Variants in GSE1 observed in about 807,000 individuals in gnomAD.
GSE1 encodes genetic suppressor element 1.
GSE1 carries 32 observed loss-of-function variants against 112.6 expected under a neutral mutation model. The observed-to-expected ratio is 0.28, with a 90% CI of 0.21 to 0.38. The LOEUF (loss-of-function observed/expected upper bound fraction) is 0.38, where lower values mean the gene tolerates loss of function less well. GSE1 is among the 10% of genes least tolerant of loss of function. The pLI, the probability that GSE1 is intolerant of heterozygous loss-of-function variation, is 1.00. For missense variants in GSE1, 2,348 were observed against 1,699.2 expected (o/e 1.38, Z -6.71); for synonymous variants, 1,115 against 735.6 (o/e 1.52, Z -8.35).
chr16:85,585,105 G>A (rs1032032155), intron 1 of GSE1, among the ~76,000 whole-genome samples: 1 of 152,212 alleles, frequency 6.6e-6, no homozygotes, highest in Non-Finnish European at 1.5e-5. Context: ...AAAAAAAAAG[G>A]CGTGATCAGC....
chr16:85,445,025 G>T (rs933812473), intron 2 of GSE1, among the ~76,000 whole-genome samples: 2 of 152,244 alleles, frequency 1.3e-5, no homozygotes, highest in African/African-American at 2.4e-5. Context: ...CAGGTTTCCC[G>T]CCGCACGCAG....
chr16:85,302,605 C>T (rs1303313168), intron 1 of GSE1, among the ~76,000 whole-genome samples: 1 of 152,194 alleles, frequency 6.6e-6, no homozygotes, highest in African/African-American at 2.4e-5. Context: ...CTCAGCATCA[C>T]CAGGGCTGCT....
chr16:85,460,131 T>G (rs529093420), intron 2 of GSE1, among the ~76,000 whole-genome samples: 1 of 152,184 alleles, frequency 6.6e-6, no homozygotes, highest in South Asian at 2.1e-4. Flanking sequence ...CCACATCCCT[T>G]GACCAGATAA....
chr16:85,633,875 C>T (rs2049761162), intron 1 of GSE1, 39 bp from the exon 2 acceptor site: 1 of 1,540,876 alleles, frequency 6.5e-7, no homozygotes, highest in Non-Finnish European at 8.9e-7. Context: ...GGCGCTCCTG[C>T]TCTCTGGGTG....
intron 1 of GSE1, among the ~76,000 whole-genome samples, chr16:85,330,004 G>C (rs912844782): frequency 5.3e-5 from 8 of 152,132 alleles, no homozygotes; most frequent in Non-Finnish European, 1.0e-4. Flanking sequence ...CTGCCCCCTG[G>C]CAGATGCCCC....
In GSE1 at chr16:85,331,357, GTGTGTGTGTATATA is replaced by G. The variant is rs1358076194; in HGVS notation, c.2284-26102_2284-26089del. On this transcript the variant is annotated intron_variant, in intron 1 of 2. Transcript: ENST00000637419. ...TGTGTGTGTGTGTGTGTGTGTGTGT[GTGTGTGTGTATATA>G]TGTATATATATGTATATATATGTGT... is the stretch of plus-strand genomic sequence containing the variant. 1.6e-3 allele frequency among the ~76,000 whole-genome samples: 89 copies of G among 57,104 alleles called. 1 individual carries two copies. Among genetic ancestry groups the G allele is most frequent in the Middle Eastern group, 9.6e-3 (1 of 104 alleles). The allele number at this position is 57,104 out of a possible 152,430, so 37.5% of individuals were successfully genotyped here. A position where few individuals can be genotyped will look rare whatever the true frequency, so the allele number is the denominator to read the frequency against.
At chr16:85,641,257 A>G (rs574055929) in intron 2 of GSE1, among the ~76,000 whole-genome samples, 1 of 152,302 alleles carries the variant, frequency 6.6e-6, no homozygotes, top group Admixed American at 6.5e-5. Context: ...TCCCGGCTCC[A>G]TCCGGCTCCC....
rs1187795376 is a variant in GSE1, at chr16:85,634,142, C to G, written c.226+10C>G. On this transcript the variant is annotated intron_variant, in intron 2 of 15. Coordinates refer to ENST00000253458, the MANE Select transcript of GSE1 (RefSeq NM_014615.5). ...GCGGAGGAGCCCAGAGGTAAGGGGGCCCGCCAGGCTGCGCGTGGGGGGAGC... is the reference window on the plus strand; with the variant it reads ...GCGGAGGAGCCCAGAGGTAAGGGGGGCCGCCAGGCTGCGCGTGGGGGGAGC... 1 of 1,447,810 alleles carries G rather than the reference C, an allele frequency of 6.9e-7. No homozygotes were observed. The highest frequency in any genetic ancestry group is 9.0e-7 in the Non-Finnish European group (1 of 1,107,786). 89.7% of individuals were successfully genotyped at this position (1,447,810 alleles called of 1,614,324 possible). A position where few individuals can be genotyped will look rare whatever the true frequency, so the allele number is the denominator to read the frequency against.
At chr16:85,281,906 G>C (rs2044868644) in intron 1 of GSE1, among the ~76,000 whole-genome samples, 1 of 152,186 alleles carries the variant, frequency 6.6e-6, no homozygotes, top group Admixed American at 6.5e-5. Context: ...GCATTATTTT[G>C]CCAGAAACCT....
chr16:85,556,015 C>G (rs1047141724), exon 1 of GSE1: 13 of 984,928 alleles, frequency 1.3e-5, no homozygotes, highest in African/African-American at 1.7e-5. Flanking sequence ...CGAAGACACC[C>G]GGGCAGCCGT....
chr16:85,357,220 C>A (rs1275353366), intron 1 of GSE1, among the ~76,000 whole-genome samples: 3 of 152,164 alleles, frequency 2.0e-5, no homozygotes, highest in African/African-American at 4.8e-5. Flanking sequence ...GTGGGTGGGA[C>A]CCCAGCAGCA....
chr16:85,609,307 T>G (rs746354622), upstream of GSE1, among the ~76,000 whole-genome samples: 2 of 152,228 alleles, frequency 1.3e-5, no homozygotes, highest in Non-Finnish European at 2.9e-5. Context: ...GGCACAATCA[T>G]ACCTCAGCCT....
At chr16:85,394,064 G>T (rs574749748) in intron 2 of GSE1, among the ~76,000 whole-genome samples, 3 of 152,296 alleles carry the variant, frequency 2.0e-5, no homozygotes, top group Admixed American at 6.5e-5. Flanking sequence ...CGTCGATACC[G>T]TTCGGGCTCA....
intron 2 of GSE1, among the ~76,000 whole-genome samples, chr16:85,432,040 G>A (rs941660404): frequency 5.9e-5 from 9 of 152,194 alleles, no homozygotes; most frequent in South Asian, 2.1e-4. Flanking sequence ...GGAGGTGACC[G>A]TCTAGCTGCA....
At chr16:85,671,958 G>C in intron 15 of GSE1, 1 of 171,804 alleles carries the variant, frequency 5.8e-6, no homozygotes, top group Non-Finnish European at 1.3e-5. Flanking sequence ...CGATTCTTAA[G>C]ACTCTGGAAG....
chr16:85,648,592 G>T lies in GSE1; in HGVS notation c.267G>T (p.Pro89=), dbSNP rs75392774. 1.9e-6 allele frequency: 3 copies of T among 1,603,550 alleles called. No homozygotes were observed. The highest frequency in any genetic ancestry group is 2.7e-5 in the African/African-American group (2 of 74,474). The change falls in exon 3 of 16, where the codon CCG becomes CCT. Residue 89 remains proline (P), a synonymous_variant. Transcript: ENST00000253458. ...GCGAGTCGTCCCCCGTGTCCTCTCCGGCCACCAACCACAGCTCCCCCGCCA... is the reference window on the plus strand; with the variant it reads ...GCGAGTCGTCCCCCGTGTCCTCTCCTGCCACCAACCACAGCTCCCCCGCCA... The part of the protein sequence containing the change: ...LSSESSPVSS[P]ATNHSSPAST...
At chr16:85,374,523 T>C (rs2047375251) in intron 2 of GSE1, among the ~76,000 whole-genome samples, 1 of 53,886 alleles carries the variant, frequency 1.9e-5, no homozygotes, top group South Asian at 1.2e-3. Flanking sequence ...TGTCAGTGTG[T>C]GCGTGTGTGT....
At chr16:85,391,819 C>T (rs369734045) in intron 2 of GSE1, among the ~76,000 whole-genome samples, 7 of 152,176 alleles carry the variant, frequency 4.6e-5, no homozygotes, top group East Asian at 1.9e-4. Context: ...CACCAATCTC[C>T]GAGCTCACCT....
chr16:85,486,718 T>A (rs1355786856), intron 2 of GSE1, among the ~76,000 whole-genome samples: 4 of 151,952 alleles, frequency 2.6e-5, no homozygotes, highest in Non-Finnish European at 5.9e-5. Context: ...AGCCTCTCCA[T>A]GCCCGGGACG....
Sources: gnomAD v4.1 joint callset for allele counts (sites outside exome capture counted in the v4.1 genomes callset) on GRCh38, gnomAD v4.1.1 for gene constraint, MANE v1.5 for transcripts, NCBI Gene and HGNC (gene_info 2026-07-23, HGNC 2026-07-21) for gene names.